GALNT5: variants seen among roughly 807,000 people sequenced by gnomAD.
The protein encoded by GALNT5 is polypeptide N-acetylgalactosaminyltransferase 5.
Under a neutral mutation model 85.4 loss-of-function variants are expected in GALNT5, and 72 were observed. The ratio of observed to expected loss-of-function variants is 0.84; its 90% CI spans 0.70 to 1.03. The LOEUF (loss-of-function observed/expected upper bound fraction) is 1.03, where lower values mean the gene tolerates loss of function less well. GALNT5 is among the 50% of genes least tolerant of loss of function. GALNT5 has a pLI of 0.00. For missense variants in GALNT5, 1,137 were observed against 1,135.5 expected, an observed-to-expected ratio of 1.00 and a Z score of -0.02; for synonymous variants, 404 against 397.0, an observed-to-expected ratio of 1.02 and a Z score of -0.21.
At position 157,317,174 on chromosome 2, in the gene GALNT5, GTATATATA is replaced by G. The variant is rs68129611; in HGVS notation, c.*5844_*5851del. Among the ~76,000 whole-genome samples, 101 of 139,322 alleles carry G rather than the reference GTATATATA, an allele frequency of 7.2e-4. No homozygotes were observed. The highest frequency in any genetic ancestry group is 2.0e-3 in the African/African-American group (77 of 37,998). 91.4% of individuals were successfully genotyped at this position (139,322 alleles called of 152,430 possible). ...TTTTGTAAATATACTGTATGTGTGT[GTATATATA>G]TATATATATATATATATTTTTTTTT... On this transcript the variant is annotated 3_prime_UTR_variant, in exon 10 of 10. Transcript: ENST00000259056.
In GALNT5 at chr2:157,312,530, G is replaced by A. The variant is rs1683597235; in HGVS notation, c.*1182G>A. On this transcript the variant is annotated 3_prime_UTR_variant, in exon 10 of 10. Coordinates refer to ENST00000259056, the MANE Select transcript of GALNT5 (RefSeq NM_014568.3). ...CCAGTGAGAACACTGACAAATTTGGGAAAAGTTAAATACTGATTTCATCCA... is the reference window on the plus strand; with the variant it reads ...CCAGTGAGAACACTGACAAATTTGGAAAAAGTTAAATACTGATTTCATCCA... 6.6e-6 allele frequency: 1 copy of A among 151,918 alleles called. No homozygotes were observed. The highest frequency in any genetic ancestry group is 2.1e-4 in the South Asian group (1 of 4,814). The allele number at this position is 151,918 out of a possible 1,614,324, so 9.4% of individuals were successfully genotyped here.
At chr2:157,292,356 T>C (rs1352606592) in intron 3 of GALNT5, among the ~76,000 whole-genome samples, 1 of 152,060 alleles carries the variant, frequency 6.6e-6, no homozygotes, top group East Asian at 1.9e-4. Flanking sequence ...CCTAACATAG[T>C]CCTAGGATCT....
intron 1 of GALNT5, among the ~76,000 whole-genome samples, chr2:157,261,538 C>T (rs17280274): frequency 0.055 from 8,346 of 152,274 alleles, 335 homozygotes; most frequent in South Asian, 0.14. Context: ...TATCACATAA[C>T]CCACCTTGGC....
intron 8 of GALNT5, among the ~76,000 whole-genome samples, chr2:157,307,380 C>G (rs1683476514): frequency 1.3e-5 from 2 of 152,198 alleles, no homozygotes; most frequent in Admixed American, 1.3e-4. Context: ...AGCTCTATCC[C>G]TTACCTTACC....
intron 3 of GALNT5, among the ~76,000 whole-genome samples, chr2:157,286,694 G>T (rs578153841): frequency 6.6e-6 from 1 of 152,014 alleles, no homozygotes; most frequent in South Asian, 2.1e-4. Flanking sequence ...TAATAGAGAC[G>T]GGGTTTCACT....
chr2:157,306,977 C>T (rs1341367147), intron 8 of GALNT5, among the ~76,000 whole-genome samples: 1 of 150,710 alleles, frequency 6.6e-6, no homozygotes, highest in Non-Finnish European at 1.5e-5. Flanking sequence ...ACAATTATTT[C>T]ACATTATATG....
At chr2:157,290,704 G>A (rs142066094) in intron 3 of GALNT5, among the ~76,000 whole-genome samples, 22 of 152,076 alleles carry the variant, frequency 1.4e-4, no homozygotes, top group African/African-American at 5.1e-4. Context: ...TGCCCTTTAG[G>A]ACTCAAAGAA....
At chr2:157,272,626 A>G (rs1034956804) in intron 1 of GALNT5, among the ~76,000 whole-genome samples, 5 of 152,058 alleles carry the variant, frequency 3.3e-5, no homozygotes, top group African/African-American at 1.2e-4. Flanking sequence ...AGAACACGTG[A>G]TATTTGGTTT....
At chr2:157,311,180 C>T (rs1683561441) in intron 9 of GALNT5, 28 bp from the exon 10 acceptor site, 1 of 1,581,792 alleles carries the variant, frequency 6.3e-7, no homozygotes, top group Non-Finnish European at 8.6e-7. Context: ...CAGCCTGTGG[C>T]TCATTCCCAG....
chr2:157,281,705 G>C lies in GALNT5; in HGVS notation c.1455-2577G>C, dbSNP rs193079513. On this transcript the variant is annotated intron_variant, in intron 1 of 9. Transcript: ENST00000259056. ...GTTGGCAAAAATATGAGCATTGTAA[G>C]TACTTCTGGTGCAGGCTTAGAAGGA... Among the ~76,000 whole-genome samples, 23 of 152,334 alleles carry C rather than the reference G, an allele frequency of 1.5e-4. No homozygotes were observed. The East Asian group carries it at 4.0e-3, about 27-fold the overall frequency.
At chr2:157,295,209 T>C (rs1357409910) in intron 3 of GALNT5, among the ~76,000 whole-genome samples, 1 of 152,160 alleles carries the variant, frequency 6.6e-6, no homozygotes, top group Admixed American at 6.6e-5. Context: ...CCTTGCTGGT[T>C]TGTCCACTTT....
At chr2:157,278,369 G>T (rs945119475) in intron 1 of GALNT5, among the ~76,000 whole-genome samples, 5 of 152,218 alleles carry the variant, frequency 3.3e-5, no homozygotes, top group African/African-American at 1.2e-4. Flanking sequence ...ATGTTGGCTA[G>T]GTTGGGGACA....
chr2:157,304,192 T>C (rs1227019871), intron 7 of GALNT5, among the ~76,000 whole-genome samples: 2 of 152,182 alleles, frequency 1.3e-5, no homozygotes, highest in African/African-American at 4.8e-5. Flanking sequence ...TCTCTGAAGT[T>C]CAGGGGTGGG....
chr2:157,284,793 T>C (rs1682936561), intron 2 of GALNT5, among the ~76,000 whole-genome samples: 1 of 152,202 alleles, frequency 6.6e-6, no homozygotes. Flanking sequence ...CGGGAGGCCT[T>C]GCCTACTGGT....
intron 1 of GALNT5, among the ~76,000 whole-genome samples, chr2:157,273,783 C>T (rs1485263095): frequency 6.6e-6 from 1 of 151,594 alleles, no homozygotes; most frequent in Admixed American, 6.6e-5. Flanking sequence ...GCTGGGATTA[C>T]AAGTACCCGC....
intron 1 of GALNT5, among the ~76,000 whole-genome samples, chr2:157,264,308 G>T (rs1682412910): frequency 1.3e-5 from 2 of 152,110 alleles, no homozygotes; most frequent in Admixed American, 6.6e-5. Flanking sequence ...CTCCAAAAAT[G>T]AACTTATTTT....
rs1003583534 is a variant in GALNT5, at chr2:157,311,585, C to A, written c.*237C>A. On this transcript the variant is annotated 3_prime_UTR_variant, in exon 10 of 10. Transcript: ENST00000259056. ...GGCCTTTGAATTGCCTGCTTTCCAC[C>A]CTATGCTAGACCTCATCATGCAAAT... 5 of 389,648 alleles carry A rather than the reference C, an allele frequency of 1.3e-5. No individual in the cohort carries two copies. The highest frequency in any genetic ancestry group is 3.1e-5 in the South Asian group (1 of 32,220). 24.1% of individuals were successfully genotyped at this position (389,648 alleles called of 1,614,324 possible).
chr2:157,293,876 G>A (rs2105154162), intron 3 of GALNT5, among the ~76,000 whole-genome samples: 1 of 152,288 alleles, frequency 6.6e-6, no homozygotes, highest in Non-Finnish European at 1.5e-5. Flanking sequence ...TTTAAAGAAT[G>A]TAATCTATGG....
chr2:157,282,079 A>T (rs58868937), intron 1 of GALNT5, among the ~76,000 whole-genome samples: 27,314 of 152,158 alleles, frequency 0.18, 5,579 homozygotes, highest in African/African-American at 0.5. Context: ...ATGGATCCTT[A>T]GTGTAGACTA....
Sources: allele counts gnomAD v4.1 joint callset (sites outside exome capture counted in the v4.1 genomes callset), GRCh38; gene constraint gnomAD v4.1.1; transcripts MANE v1.5; gene names NCBI Gene and HGNC (gene_info 2026-07-23, HGNC 2026-07-21).